Variants in NPAT observed in about 807,000 individuals in gnomAD.
The protein encoded by NPAT is protein NPAT.
A neutral mutation model predicts 130.7 loss-of-function variants in NPAT; 52 were observed. The observed-to-expected ratio is 0.40, with a 90% confidence interval of 0.32 to 0.50. The LOEUF (loss-of-function observed/expected upper bound fraction) is 0.50. NPAT is among the 20% of genes least tolerant of loss of function. The pLI is 0.68. For synonymous variants in NPAT, 580 were observed against 584.8 expected (o/e 0.99, Z 0.12); for missense variants, 1,687 against 1,662.6 (o/e 1.01, Z -0.26).
intron 1 of NPAT, chr11:108,208,398 C>T (rs759184103): frequency 2.2e-5 from 10 of 452,674 alleles, no homozygotes; most frequent in South Asian, 3.1e-5. Context: ...AAGACCATCC[C>T]GGGAAACCTA....
Position 108,158,270 on chromosome 11 carries a change from T to TA in NPAT, c.*671dup, listed in dbSNP as rs1233702002. 1 of 152,476 alleles carries TA rather than the reference T, an allele frequency of 6.6e-6. No homozygotes were observed. Among genetic ancestry groups the TA allele is most frequent in the African/African-American group, 2.4e-5 (1 of 41,442 alleles). 9.4% of individuals were successfully genotyped at this position (152,476 alleles called of 1,614,324 possible). ...ATAAATGAAAGATCAGAACATTCAATAAATGGTTTACAAAATTCTCTCTTT... is the reference window on the plus strand; with the variant it reads ...ATAAATGAAAGATCAGAACATTCAATAAAATGGTTTACAAAATTCTCTCTTT... On this transcript the variant is annotated 3_prime_UTR_variant, in exon 18 of 18. Coordinates refer to ENST00000278612, the MANE Select transcript of NPAT (RefSeq NM_002519.3).
At chr11:108,165,359 C>G (rs2077891199) in intron 15 of NPAT, among the ~76,000 whole-genome samples, 2 of 150,572 alleles carry the variant, frequency 1.3e-5, no homozygotes, top group Non-Finnish European at 3.0e-5. Flanking sequence ...TTCCTCCTGC[C>G]TCAGCCTCCC....
intron 1 of NPAT, among the ~76,000 whole-genome samples, chr11:108,207,954 G>C (rs1230002786): frequency 2.0e-5 from 3 of 152,210 alleles, no homozygotes; most frequent in East Asian, 1.9e-4. Context: ...AAAGTAAAAG[G>C]ATAGGAAAGA....
chr11:108,221,455 T>C (rs1201149573), intron 1 of NPAT, among the ~76,000 whole-genome samples: 1 of 152,248 alleles, frequency 6.6e-6, no homozygotes, highest in Non-Finnish European at 1.5e-5. Flanking sequence ...TCATTAAGTT[T>C]CTTCAAAAAT....
chr11:108,211,615 T>C (rs1216352576), intron 1 of NPAT, among the ~76,000 whole-genome samples: 1 of 151,754 alleles, frequency 6.6e-6, no homozygotes, highest in Non-Finnish European at 1.5e-5. Flanking sequence ...AAAACAGTGA[T>C]GCACCATGAC....
At chr11:108,193,790 CACAA>C (rs1318620002) in intron 3 of NPAT, among the ~76,000 whole-genome samples, 163 bp downstream of exon 3, 2 of 151,932 alleles carry the variant, frequency 1.3e-5, no homozygotes, top group East Asian at 3.9e-4. Flanking sequence ...AACCAAAACC[CACAA>C]ACAAATTAGA....
chr11:108,186,688 T>G (rs1490456390), intron 7 of NPAT, 119 bp from the exon 8 acceptor site: 1 of 842,178 alleles, frequency 1.2e-6, no homozygotes, highest in Admixed American at 2.2e-5. Context: ...GTTGTCCCTG[T>G]ATCTGCAGGG....
rs116400644 is a variant in NPAT, at chr11:108,221,881, T to G, written c.37+619A>C. ...TAGGGCTAGAAAACGTTCAACTAATTTAAGGCAATTAACCCTCTGAAATTT... is the reference window on the plus strand; with the variant it reads ...TAGGGCTAGAAAACGTTCAACTAATGTAAGGCAATTAACCCTCTGAAATTT... On this transcript the variant is annotated intron_variant, in intron 1 of 17. Transcript: ENST00000278612. Among the ~76,000 whole-genome samples, 1,362 of 152,244 alleles carry G rather than the reference T, an allele frequency of 8.9e-3. 20 individuals are homozygous for G. The highest frequency in any genetic ancestry group is 0.03 in the African/African-American group (1,262 of 41,528).
At chr11:108,202,588 A>T (rs896219172) in intron 1 of NPAT, among the ~76,000 whole-genome samples, 3 of 152,212 alleles carry the variant, frequency 2.0e-5, no homozygotes, top group East Asian at 3.9e-4. Flanking sequence ...AGGTAAGCAT[A>T]AAACCTATCA....
rs544211898 is a variant in NPAT, at chr11:108,214,162, T to C, written c.37+8338A>G. 5.8e-4 allele frequency among the ~76,000 whole-genome samples: 88 copies of C among 152,022 alleles called. No homozygotes were observed. In the Middle Eastern group the frequency reaches 0.017, roughly 29 times the overall value. ...CCTCCTGCCTTGGCCTCCCAAAGTG[T>C]TGGGATTACAGGGTGAGCCATTACA... is the stretch of plus-strand genomic sequence containing the variant. On this transcript the variant is annotated intron_variant, in intron 1 of 17. Coordinates refer to ENST00000278612, the MANE Select transcript of NPAT (RefSeq NM_002519.3).
chr11:108,192,157 G>A lies in NPAT; in HGVS notation c.251C>T (p.Ser84Phe), dbSNP rs1222906319. 1.2e-6 allele frequency: 2 copies of A among 1,607,166 alleles called. No individual in the cohort carries two copies. The highest frequency in any genetic ancestry group is 1.7e-6 in the Non-Finnish European group (2 of 1,173,978). ...TGTATGGTCCAATTTCTTCCATAGAGATGACATTATTGCTGGGACATTATT... is the reference window on the plus strand; with the variant it reads ...TGTATGGTCCAATTTCTTCCATAGAAATGACATTATTGCTGGGACATTATT... ...TSNNVPAIMS[S>F]LWKKLDHTLS... The change falls in exon 4 of 18, where the codon TCT (serine) becomes TTT (phenylalanine). Residue 84 changes from serine to phenylalanine, a missense_variant. By Grantham distance (155) the Ser-to-Phe change is radical. Transcript: ENST00000278612.
chr11:108,214,576 G>A lies in NPAT; in HGVS notation c.37+7924C>T, dbSNP rs530296486. 7.8e-4 allele frequency among the ~76,000 whole-genome samples: 118 copies of A among 151,404 alleles called. 1 individual carries two copies. Among genetic ancestry groups the A allele is most frequent in the Non-Finnish European group, 7.7e-4 (52 of 67,890 alleles). Reference sequence around the variant, plus strand: ...GGATTTTCATACCCTGAAAAACAACGAAGTTTACATTTTGTAGTATGTGCA... The same window carrying A: ...GGATTTTCATACCCTGAAAAACAACAAAGTTTACATTTTGTAGTATGTGCA... On this transcript the variant is annotated intron_variant, in intron 1 of 17. Coordinates refer to ENST00000278612, the MANE Select transcript of NPAT (RefSeq NM_002519.3).
intron 1 of NPAT, among the ~76,000 whole-genome samples, chr11:108,214,148 G>T (rs2134900599): frequency 6.6e-6 from 1 of 152,216 alleles, no homozygotes; most frequent in East Asian, 1.9e-4. Flanking sequence ...CTCCTGCCTT[G>T]GCCTCCCAAA....
intron 1 of NPAT, among the ~76,000 whole-genome samples, chr11:108,221,216 T>C (rs530262302): frequency 6.6e-6 from 1 of 152,294 alleles, no homozygotes; most frequent in East Asian, 1.9e-4. Context: ...GGTGTCCTAC[T>C]GTAATCTAGT....
chr11:108,163,996 T>A (rs1055200655), intron 15 of NPAT, among the ~76,000 whole-genome samples: 1 of 152,140 alleles, frequency 6.6e-6, no homozygotes, highest in African/African-American at 2.4e-5. Context: ...GATAAGAAAC[T>A]GGAGCACATG....
In NPAT at chr11:108,189,274, T is replaced by C. The variant is rs187990506; in HGVS notation, c.388A>G (p.Thr130Ala). The part of the protein sequence containing the change: ...IKRQRKLASQ[T>A]APASAELLTL... The stretch of plus-strand genomic sequence containing the variant: ...AGCAACTCTGCACTGGCTGGAGCTG[T>C]TTGAGATGCAAGCTTTCTCTGCCGT... The change falls in exon 6 of 18, where the codon ACA becomes GCA. Residue 130 changes from threonine (T) to alanine (A), a missense_variant. This residue lies in a region of NPAT where 307 missense variants were observed against 298.9 expected (regional missense o/e 1.03). Transcript: ENST00000278612. The C allele has an allele frequency of 1.5e-3, 2,465 of 1,614,152 alleles. 33 individuals are homozygous for C. The highest frequency in any genetic ancestry group is 2.7e-3 in the East Asian group (120 of 44,876).
At chr11:108,213,352 T>C (rs571551868) in intron 1 of NPAT, among the ~76,000 whole-genome samples, 1 of 152,280 alleles carries the variant, frequency 6.6e-6, no homozygotes, top group East Asian at 1.9e-4. Flanking sequence ...ACAGTGAATA[T>C]ATAAAAGTCA....
In NPAT at chr11:108,170,022, G is replaced by T. The variant is rs754692502; in HGVS notation, c.2807C>A (p.Ser936Tyr). Residue 936 changes from serine (S) to tyrosine (Y), a missense_variant, in exon 14 of 18, where the codon TCT becomes TAT. By Grantham distance (144) the Ser-to-Tyr change is moderately radical. Around this residue, in one of 3 missense-constraint regions of NPAT, gnomAD observed 1,379 missense variants for 1,346.6 expected, o/e 1.02. Coordinates refer to ENST00000278612, the MANE Select transcript of NPAT (RefSeq NM_002519.3). ...TCCTTGGAGTACAGGCTGGACTGGA[G>T]AGGCAATTATTATGGCAGATCCTAA... ...FSQGSAIIIASPVQPVLQGMV... is the reference protein window; with the variant it reads ...FSQGSAIIIAYPVQPVLQGMV... 6.2e-7 allele frequency: 1 copy of T among 1,612,160 alleles called. No individual in the cohort carries two copies. Among genetic ancestry groups the T allele is most frequent in the Non-Finnish European group, 8.5e-7 (1 of 1,178,302 alleles).
At chr11:108,206,725 C>T (rs1036200374) in intron 1 of NPAT, among the ~76,000 whole-genome samples, 7 of 152,204 alleles carry the variant, frequency 4.6e-5, no homozygotes, top group African/African-American at 1.7e-4. Context: ...ACAGATCTTT[C>T]AGTCCCGCCT....
Sources: allele counts gnomAD v4.1 joint callset (sites outside exome capture counted in the v4.1 genomes callset), GRCh38; gene constraint gnomAD v4.1.1; regional missense constraint gnomAD v4.1.1; transcripts MANE v1.5; gene names NCBI Gene and HGNC (gene_info 2026-07-23, HGNC 2026-07-21).